LAMA2: variants seen among roughly 807,000 people sequenced by gnomAD.
The protein encoded by LAMA2 is laminin subunit alpha 2, also known as laminin subunit alpha-2.
LAMA2 carries 269 observed loss-of-function variants against 364.8 expected under a neutral mutation model. The ratio of observed to expected loss-of-function variants is 0.74; its 90% confidence interval spans 0.67 to 0.82. The LOEUF (loss-of-function observed/expected upper bound fraction) is 0.82. Ranked by LOEUF, LAMA2 falls within the 40% of genes least tolerant of loss-of-function variation. LAMA2 has a pLI of 0.00. For missense variants in LAMA2, 3,807 were observed against 3,873.2 expected, an observed-to-expected ratio of 0.98 and a Z score of 0.45; for synonymous variants, 1,379 against 1,370.6, an observed-to-expected ratio of 1.01 and a Z score of -0.14.
At chr6:129,398,283 G>T (rs1779769335) in intron 37 of LAMA2, among the ~76,000 whole-genome samples, 1 of 152,078 alleles carries the variant, frequency 6.6e-6, no homozygotes, top group Admixed American at 6.6e-5. Flanking sequence ...TGGAAGATAA[G>T]ATATGACTTG....
At chr6:129,112,767 G>A (rs1485303629) in intron 4 of LAMA2, among the ~76,000 whole-genome samples, 1 of 151,820 alleles carries the variant, frequency 6.6e-6, no homozygotes, top group Non-Finnish European at 1.5e-5. Context: ...CTAGGGAACT[G>A]TGTGGTTGCC....
rs1787072661 is a variant in LAMA2, at chr6:129,260,833, A to G, written c.2208+11A>G. 6.8e-7 allele frequency: 1 copy of G among 1,474,198 alleles called. No individual in the cohort carries two copies. Among genetic ancestry groups the G allele is most frequent in the Non-Finnish European group, 9.5e-7 (1 of 1,052,850 alleles). The allele number at this position is 1,474,198 out of a possible 1,614,324, so 91.3% of individuals were successfully genotyped here. On this transcript the variant is annotated intron_variant, in intron 15 of 64. Coordinates refer to ENST00000421865, the MANE Select transcript of LAMA2 (RefSeq NM_000426.4). ...GGCTCCTCTTGTGAAGTAAGCTTGC[A>G]AGAATGTATCCTTAGTGCTTTCAAA... is the stretch of plus-strand genomic sequence containing the variant.
At chr6:129,425,722 A>G (rs1474054436) in intron 40 of LAMA2, among the ~76,000 whole-genome samples, 1 of 152,086 alleles carries the variant, frequency 6.6e-6, no homozygotes, top group African/African-American at 2.4e-5. Flanking sequence ...GCTAAGAATA[A>G]TGGCCTCCAA....
At chr6:128,938,258 C>T (rs1435329498) in intron 1 of LAMA2, among the ~76,000 whole-genome samples, 1 of 152,044 alleles carries the variant, frequency 6.6e-6, no homozygotes, top group Non-Finnish European at 1.5e-5. Context: ...ATCTACCTCC[C>T]TGACTGATTG....
intron 3 of LAMA2, among the ~76,000 whole-genome samples, chr6:129,077,668 C>G (rs1773748019): frequency 1.3e-5 from 2 of 152,106 alleles, no homozygotes; most frequent in African/African-American, 4.8e-5. Flanking sequence ...CTGTATAGCA[C>G]CTTATATATC....
intron 34 of LAMA2, among the ~76,000 whole-genome samples, chr6:129,381,521 G>T (rs1180647174): frequency 6.6e-6 from 1 of 152,016 alleles, no homozygotes; most frequent in East Asian, 1.9e-4. Flanking sequence ...ATGTGTCTGT[G>T]TGTAAAAAGT....
chr6:129,363,142 C>G (rs1322984052), intron 32 of LAMA2, among the ~76,000 whole-genome samples: 1 of 152,014 alleles, frequency 6.6e-6, no homozygotes, highest in Non-Finnish European at 1.5e-5. Context: ...GACCCCATCT[C>G]TATGTTAAAA....
chr6:129,487,900 G>A (rs1373971676), intron 56 of LAMA2, among the ~76,000 whole-genome samples: 1 of 152,184 alleles, frequency 6.6e-6, no homozygotes, highest in Non-Finnish European at 1.5e-5. Flanking sequence ...CAAACTGAAT[G>A]CTCTCATTTG....
chr6:129,044,804 G>C (rs969773292), intron 1 of LAMA2, among the ~76,000 whole-genome samples: 6 of 152,130 alleles, frequency 3.9e-5, no homozygotes, highest in African/African-American at 1.4e-4. Flanking sequence ...ACCTTAAGTT[G>C]AGTTAAGAAG....
chr6:129,393,892 A>G (rs1779462670), intron 37 of LAMA2, among the ~76,000 whole-genome samples: 1 of 152,180 alleles, frequency 6.6e-6, no homozygotes, highest in Non-Finnish European at 1.5e-5. Flanking sequence ...GATCTTTTAG[A>G]AGGAACTAAC....
intron 4 of LAMA2, among the ~76,000 whole-genome samples, chr6:129,131,358 A>C (rs1777466460): frequency 6.6e-6 from 1 of 152,164 alleles, no homozygotes; most frequent in Non-Finnish European, 1.5e-5. Flanking sequence ...AATATTAGCT[A>C]TCCTGCATGG....
At chr6:128,900,436 T>C (rs1289076007) in intron 1 of LAMA2, among the ~76,000 whole-genome samples, 1 of 152,090 alleles carries the variant, frequency 6.6e-6, no homozygotes, top group Non-Finnish European at 1.5e-5. Context: ...GATTGAATGA[T>C]AGAAAAATAG....
intron 1 of LAMA2, among the ~76,000 whole-genome samples, chr6:128,906,025 A>T (rs1388999256): frequency 6.7e-6 from 1 of 150,186 alleles, no homozygotes; most frequent in Admixed American, 6.6e-5. Context: ...TTCTTAATCC[A>T]GTCTATCGTT....
At chr6:129,229,413 G>A (rs933708773) in intron 12 of LAMA2, among the ~76,000 whole-genome samples, 11 of 152,156 alleles carry the variant, frequency 7.2e-5, no homozygotes, top group African/African-American at 2.7e-4. Flanking sequence ...GACCCTCAAG[G>A]ATGGGGTAAG....
chr6:128,919,135 G>C (rs1331337013), intron 1 of LAMA2, among the ~76,000 whole-genome samples: 1 of 152,040 alleles, frequency 6.6e-6, no homozygotes, highest in African/African-American at 2.4e-5. Flanking sequence ...TTTCCTCAAT[G>C]ATGGGCCCAA....
At position 129,503,205 on chromosome 6, in the gene LAMA2, C is replaced by T. The variant is rs1207524435; in HGVS notation, c.8472C>T (p.Tyr2824=). ...ATVQLRNGLP[Y]FSYDLGSGDT... ...TTCAGCTGAGAAATGGATTGCCCTA[C>T]TTCAGCTATGACTTGGGGAGTGGGG... The change falls in exon 60 of 65, where the codon TAC becomes TAT. Residue 2824 remains tyrosine (Y), a synonymous_variant. Transcript: ENST00000421865. 1.9e-6 allele frequency: 3 copies of T among 1,613,998 alleles called. No homozygotes were observed. The highest frequency in any genetic ancestry group is 2.5e-6 in the Non-Finnish European group (3 of 1,179,954).
intron 12 of LAMA2, among the ~76,000 whole-genome samples, chr6:129,205,399 A>G (rs1346070845): frequency 2.0e-5 from 3 of 150,938 alleles, no homozygotes; most frequent in Non-Finnish European, 2.9e-5. Flanking sequence ...ATCTCAAAAA[A>G]AAAAGAAAAA....
intron 4 of LAMA2, among the ~76,000 whole-genome samples, chr6:129,098,659 CAAT>C (rs945317468): frequency 6.6e-6 from 1 of 152,112 alleles, no homozygotes; most frequent in Non-Finnish European, 1.5e-5. Context: ...TCTGGAAAGT[CAAT>C]GATTAATTTT....
At chr6:129,215,348 A>G (rs555342647) in intron 12 of LAMA2, among the ~76,000 whole-genome samples, 21 of 152,042 alleles carry the variant, frequency 1.4e-4, no homozygotes, top group African/African-American at 4.8e-4. Context: ...ATAAAGGGCT[A>G]TGTTATGTTA....
Sources: gnomAD v4.1 joint callset for allele counts (sites outside exome capture counted in the v4.1 genomes callset) on GRCh38, gnomAD v4.1.1 for gene constraint, MANE v1.5 for transcripts, NCBI Gene and HGNC (gene_info 2026-07-23, HGNC 2026-07-21) for gene names.